The following NECTIN1 variants were observed in gnomAD, a reference collection of about 807,000 sequenced individuals.
NECTIN1 encodes the protein nectin cell adhesion molecule 1.
In NECTIN1, 23 loss-of-function variants were observed where a neutral mutation model predicts 48.0. The observed-to-expected ratio is 0.48, with a 90% confidence interval of 0.34 to 0.68. NECTIN1 has a LOEUF of 0.68. NECTIN1 is among the 30% of genes least tolerant of loss of function. The pLI, the probability that NECTIN1 is intolerant of heterozygous loss-of-function variation, is 0.01. For synonymous variants in NECTIN1, 270 were observed against 288.9 expected (o/e 0.93, Z 0.66); for missense variants, 591 against 709.9 (o/e 0.83, Z 1.90).
intron 5 of NECTIN1, among the ~76,000 whole-genome samples, chr11:119,674,152 C>T (rs916068910): frequency 1.3e-5 from 2 of 152,120 alleles, no homozygotes; most frequent in Admixed American, 6.5e-5. Flanking sequence ...GCTTTGTGGC[C>T]GGAGCCCAGC....
chr11:119,711,910 C>A (rs1865655125), intron 1 of NECTIN1, among the ~76,000 whole-genome samples: 2 of 152,172 alleles, frequency 1.3e-5, no homozygotes, highest in South Asian at 4.1e-4. Context: ...TCACCCTGCA[C>A]AGGAATGGCT....
chr11:119,723,523 C>A lies in NECTIN1; in HGVS notation c.79+4952G>T, dbSNP rs556699552. 1.4e-4 allele frequency among the ~76,000 whole-genome samples: 22 copies of A among 152,300 alleles called. No homozygotes were observed. In the South Asian group the frequency reaches 4.4e-3, roughly 30 times the overall value. On this transcript the variant is annotated intron_variant, in intron 1 of 5. Coordinates refer to ENST00000264025, the MANE Select transcript of NECTIN1 (RefSeq NM_002855.5). ...CCTGAGAATACATACCTATTGCCTC[C>A]CCAGCCCCCACCCAGGGCAAACCTG...
chr11:119,667,102 C>T (rs1429972531), intron 5 of NECTIN1, among the ~76,000 whole-genome samples: 1 of 152,176 alleles, frequency 6.6e-6, no homozygotes, highest in Non-Finnish European at 1.5e-5. Flanking sequence ...TTTGTCCTGA[C>T]CGCCTGTCTC....
At chr11:119,652,200 G>A (rs1424224973) in intron 5 of NECTIN1, among the ~76,000 whole-genome samples, 1 of 152,170 alleles carries the variant, frequency 6.6e-6, no homozygotes, top group East Asian at 1.9e-4. Context: ...TCAATTGTGG[G>A]GACCAGAGGA....
intron 1 of NECTIN1, among the ~76,000 whole-genome samples, chr11:119,710,189 G>A (rs906445521): frequency 1.3e-5 from 2 of 152,170 alleles, no homozygotes; most frequent in African/African-American, 4.8e-5. Context: ...ACGCACACAC[G>A]CGCACCCAAG....
rs781538708 is a variant in NECTIN1 at position 119,677,776 on chromosome 11, G to A, written c.512C>T (p.Thr171Ile). ...AGGCTTCCCATTGGCTGAGGTGCAGGTGGCCACCAGGACCTTGTCATCCTG... is the reference window on the plus strand; with the variant it reads ...AGGCTTCCCATTGGCTGAGGTGCAGATGGCCACCAGGACCTTGTCATCCTG... Reference protein sequence around the residue: ...KGQDDKVLVATCTSANGKPPS... With the variant: ...KGQDDKVLVAICTSANGKPPS... Residue 171 changes from threonine to isoleucine, a missense_variant, in exon 3 of 6, where the codon ACC becomes ATC. By Grantham distance (89) the Thr-to-Ile change is moderately conservative (BLOSUM62 -1). Coordinates refer to ENST00000264025, the MANE Select transcript of NECTIN1 (RefSeq NM_002855.5). The surrounding 1 kb of genome is among the most constrained non-coding windows in gnomAD (Gnocchi z 5.4). 11 of 1,614,018 alleles carry A rather than the reference G, an allele frequency of 6.8e-6. No homozygotes were observed. The highest frequency in any genetic ancestry group is 9.3e-6 in the Non-Finnish European group (11 of 1,180,020).
rs771229149 is a variant in NECTIN1 at position 119,678,815 on chromosome 11, C to T, written c.80-50G>A. The stretch of plus-strand genomic sequence containing the variant: ...GGTCAGTGTCAGGCACAGCCTCCCC[C>T]CACCCACACAGTTCCCTGTGCTCTG... On this transcript the variant is annotated intron_variant, in intron 1 of 5. Coordinates refer to ENST00000264025, the MANE Select transcript of NECTIN1 (RefSeq NM_002855.5). The surrounding 1 kb of genome is among the most constrained non-coding windows in gnomAD (Gnocchi z 4.4). The T allele has an allele frequency of 6.2e-6, 8 of 1,289,564 alleles. No homozygotes were observed. Among genetic ancestry groups the T allele is most frequent in the Non-Finnish European group, 8.8e-6 (8 of 905,624 alleles). 79.9% of individuals were successfully genotyped at this position (1,289,564 alleles called of 1,614,324 possible). A position where few individuals can be genotyped will look rare whatever the true frequency, so the allele number is the denominator to read the frequency against.
In NECTIN1 at chr11:119,675,172, C is replaced by T. The variant is rs1698367583; in HGVS notation, c.990G>A (p.Glu330=). The part of the protein sequence containing the change: ...NPIGTRSGQV[E]VNITEFPYTP... ...GCAGCTTCCTACCTGTGATATTGACCTCCACCTGGCCTGAGCGTGTACCGA... is the reference window on the plus strand; with the variant it reads ...GCAGCTTCCTACCTGTGATATTGACTTCCACCTGGCCTGAGCGTGTACCGA... Residue 330 remains glutamate (E), a synonymous_variant, in exon 5 of 6, where the codon GAG becomes GAA. Coordinates refer to ENST00000264025, the MANE Select transcript of NECTIN1 (RefSeq NM_002855.5). 6.2e-7 allele frequency: 1 copy of T among 1,614,144 alleles called. No individual in the cohort carries two copies. The highest frequency in any genetic ancestry group is 8.5e-7 in the Non-Finnish European group (1 of 1,180,020).
chr11:119,699,512 C>T (rs1865404147), intron 1 of NECTIN1, among the ~76,000 whole-genome samples: 1 of 24 alleles, frequency 0.042, no homozygotes, highest in South Asian at 0.25. Context: ...GCCCGCCCCA[C>T]CCCTGCAACT....
chr11:119,717,486 T>C (rs997519245), intron 1 of NECTIN1, among the ~76,000 whole-genome samples: 6 of 151,142 alleles, frequency 4.0e-5, no homozygotes, highest in African/African-American at 1.5e-4. Flanking sequence ...TTCTGAGAGA[T>C]GCAGCAATCT....
intron 1 of NECTIN1, among the ~76,000 whole-genome samples, chr11:119,689,029 G>A (rs1382382141): frequency 1.3e-5 from 2 of 152,036 alleles, no homozygotes; most frequent in Non-Finnish European, 2.9e-5. Context: ...GCTGCGCTAG[G>A]TTTCTAAGAG....
intron 1 of NECTIN1, among the ~76,000 whole-genome samples, chr11:119,724,689 A>C (rs921560302): frequency 3.3e-5 from 5 of 152,226 alleles, no homozygotes; most frequent in African/African-American, 1.2e-4. Flanking sequence ...TCCCATAGTG[A>C]CCCACAGACA....
intron 1 of NECTIN1, among the ~76,000 whole-genome samples, chr11:119,682,926 T>G (rs1259887984): frequency 6.6e-5 from 10 of 152,142 alleles, no homozygotes; most frequent in African/African-American, 2.4e-4. Context: ...CAGCTGACAG[T>G]TCTATTAATA....
At chr11:119,671,681 A>G (rs969988535) in intron 5 of NECTIN1, among the ~76,000 whole-genome samples, 2 of 152,156 alleles carry the variant, frequency 1.3e-5, no homozygotes, top group African/African-American at 4.8e-5. Flanking sequence ...CCCAGCATGC[A>G]GTGCAGCCAG....
At chr11:119,659,747 T>C (rs1414184702), downstream of NECTIN1, among the ~76,000 whole-genome samples, 1 of 152,232 alleles carries the variant, frequency 6.6e-6, no homozygotes, top group African/African-American at 2.4e-5. Context: ...CTTCCGCTGC[T>C]GGAGAAAGTC....
intron 1 of NECTIN1, among the ~76,000 whole-genome samples, chr11:119,724,481 C>G (rs917373256): frequency 1.3e-5 from 2 of 152,148 alleles, no homozygotes; most frequent in Admixed American, 6.5e-5. Context: ...TCCCACCCCC[C>G]AAAGGACCCG....
intron 5 of NECTIN1, among the ~76,000 whole-genome samples, chr11:119,650,054 CA>C (rs1305401220): frequency 2.6e-5 from 4 of 151,202 alleles, no homozygotes; most frequent in African/African-American, 9.7e-5. Flanking sequence ...AGGAAAATTA[CA>C]GTCAAAGGGG....
intron 1 of NECTIN1, among the ~76,000 whole-genome samples, chr11:119,728,136 A>G (rs569382244): frequency 6.6e-6 from 1 of 152,338 alleles, no homozygotes; most frequent in East Asian, 1.9e-4. Flanking sequence ...TTTTGCATTT[A>G]TGTAACACGC....
chr11:119,726,301 C>T (rs1324587919), intron 1 of NECTIN1, among the ~76,000 whole-genome samples: 1 of 152,124 alleles, frequency 6.6e-6, no homozygotes, highest in African/African-American at 2.4e-5. Flanking sequence ...AACCAGCCTC[C>T]ATCCAAGTGT....
Sources: gnomAD v4.1 joint callset for allele counts (sites outside exome capture counted in the v4.1 genomes callset) on GRCh38, gnomAD v4.1.1 for gene constraint, Gnocchi (gnomAD v3.1) non-coding constraint, MANE v1.5 for transcripts, NCBI Gene and HGNC (gene_info 2026-07-23, HGNC 2026-07-21) for gene names.